Variants in NBAS observed in about 807,000 individuals in gnomAD.
NBAS encodes the protein NAG/BC035112 fusion.
NBAS carries 219 observed loss-of-function variants against 302.5 expected under a neutral mutation model. The observed-to-expected ratio is 0.72, with a 90% CI of 0.65 to 0.81. The LOEUF (loss-of-function observed/expected upper bound fraction) is 0.81. NBAS is among the 30% of genes least tolerant of loss of function. The pLI is 0.00. For synonymous variants in NBAS, 1,118 were observed against 1,021.6 expected, an observed-to-expected ratio of 1.09 and a Z score of -1.80; for missense variants, 2,932 against 2,841.6, an observed-to-expected ratio of 1.03 and a Z score of -0.72.
At chr2:15,101,663 C>T in the NBAS span, among the ~76,000 whole-genome samples, 1 of 152,142 alleles carries the variant, frequency 6.6e-6, no homozygotes, top group South Asian at 2.1e-4. Flanking sequence ...TAATGATTAA[C>T]CGATGGATGG....
the NBAS span, among the ~76,000 whole-genome samples, chr2:15,072,518 C>T: frequency 6.6e-6 from 1 of 152,116 alleles, no homozygotes; most frequent in Non-Finnish European, 1.5e-5. Context: ...CTAGTCAAAT[C>T]CATTTAATTC....
chr2:14,893,807 C>T, the NBAS span, among the ~76,000 whole-genome samples: 1 of 152,200 alleles, frequency 6.6e-6, no homozygotes, highest in South Asian at 2.1e-4. Context: ...ATCCAGTGCA[C>T]ACTGTATTCC....
chr2:14,863,625 A>G, the NBAS span, among the ~76,000 whole-genome samples: 3 of 152,228 alleles, frequency 2.0e-5, no homozygotes, highest in Admixed American at 6.5e-5. Flanking sequence ...CCTGCAGGCC[A>G]TCTGGATGTA....
chr2:15,539,829 T>C (rs989953247), intron 6 of NBAS, among the ~76,000 whole-genome samples: 5 of 151,672 alleles, frequency 3.3e-5, no homozygotes, highest in South Asian at 2.1e-4. Flanking sequence ...TAACATTGTA[T>C]TAGAAAGGGG....
chr2:15,206,904 T>C (rs558993555), intron 48 of NBAS, among the ~76,000 whole-genome samples: 1 of 152,280 alleles, frequency 6.6e-6, no homozygotes, highest in South Asian at 2.1e-4. Flanking sequence ...ATGGAGAACC[T>C]CTACTAGGGC....
the NBAS span, among the ~76,000 whole-genome samples, chr2:15,034,026 A>AGAAGAAGAAGAAGAAG: frequency 6.0e-5 from 3 of 50,084 alleles, no homozygotes; most frequent in Non-Finnish European, 1.1e-4. Flanking sequence ...AAGAAGAAGA[A>AGAAGAAGAAGAAGAAG]GAGGAGGAGG....
chr2:14,794,034 A>T, the NBAS span, among the ~76,000 whole-genome samples: 8 of 152,308 alleles, frequency 5.3e-5, no homozygotes, highest in South Asian at 2.1e-4. Flanking sequence ...TAGTAGTGTC[A>T]CTCTTAAAGA....
rs767698268 is a variant in NBAS, at chr2:15,417,688, G to A, written c.2602C>T (p.Arg868Ter). The change falls in exon 24 of 52, where the codon CGA becomes TGA. Residue 868 changes from arginine (R) to a stop codon, truncating the protein, a stop_gained. Transcript: ENST00000281513. LOFTEE classifies it high-confidence loss of function. The stretch of plus-strand genomic sequence containing the variant: ...GGAATATTCCGCTCCATCCCAAGTC[G>A]AATAAGTGACAATGCACAGTCCACC... ...RQVDCALSLI[R>*]LGMERNIPGL... is the part of the protein sequence containing the mutation. 2.5e-6 allele frequency: 4 copies of A among 1,613,674 alleles called. No homozygotes were observed. Among genetic ancestry groups the A allele is most frequent in the African/African-American group, 1.3e-5 (1 of 74,826 alleles).
intron 26 of NBAS, among the ~76,000 whole-genome samples, chr2:15,400,257 G>A (rs1676084524): frequency 1.3e-5 from 2 of 151,196 alleles, no homozygotes; most frequent in African/African-American, 4.9e-5. Context: ...AAACATGAAA[G>A]GAATAGAGAG....
intron 44 of NBAS, among the ~76,000 whole-genome samples, chr2:15,257,624 C>T (rs1272026139): frequency 6.6e-6 from 1 of 152,074 alleles, no homozygotes; most frequent in Admixed American, 6.5e-5. Flanking sequence ...AACTCCTGAC[C>T]TCAGGTGATC....
the NBAS span, among the ~76,000 whole-genome samples, chr2:15,071,476 T>C: frequency 1.3e-5 from 2 of 151,778 alleles, no homozygotes; most frequent in African/African-American, 2.4e-5. Flanking sequence ...CTTCAAAAAC[T>C]AGCCGGGCGT....
chr2:15,341,045 T>C (rs1390608193), intron 35 of NBAS, among the ~76,000 whole-genome samples: 4 of 152,106 alleles, frequency 2.6e-5, no homozygotes, highest in African/African-American at 4.8e-5. Context: ...GAGTGGTACA[T>C]TTTAGACCCT....
intron 28 of NBAS, among the ~76,000 whole-genome samples, chr2:15,386,477 C>G (rs1409660536): frequency 6.6e-6 from 1 of 152,240 alleles, no homozygotes; most frequent in East Asian, 1.9e-4. Context: ...AATTCTACTC[C>G]TTCAGGATTA....
At chr2:15,016,194 T>A in the NBAS span, among the ~76,000 whole-genome samples, 1 of 152,110 alleles carries the variant, frequency 6.6e-6, no homozygotes, top group African/African-American at 2.4e-5. Context: ...AAGTCACATC[T>A]TACATGGCAG....
At chr2:14,803,808 C>T in the NBAS span, among the ~76,000 whole-genome samples, 1 of 152,062 alleles carries the variant, frequency 6.6e-6, no homozygotes, top group South Asian at 2.1e-4. Flanking sequence ...TGCCACCATG[C>T]CCGGCTAATT....
intron 29 of NBAS, among the ~76,000 whole-genome samples, chr2:15,380,082 C>A (rs1674959274): frequency 3.3e-5 from 5 of 152,024 alleles, no homozygotes; most frequent in East Asian, 1.9e-4. Context: ...TTGACTAAAC[C>A]AAAATTAAGC....
At chr2:15,096,356 A>G in the NBAS span, among the ~76,000 whole-genome samples, 1 of 152,338 alleles carries the variant, frequency 6.6e-6, no homozygotes, top group Admixed American at 6.5e-5. Flanking sequence ...TCAGGGCCAC[A>G]ACTGACATCA....
chr2:15,015,429 G>A, the NBAS span, among the ~76,000 whole-genome samples: 4 of 152,160 alleles, frequency 2.6e-5, no homozygotes, highest in East Asian at 7.7e-4. Flanking sequence ...ACATTAAAAG[G>A]TCATTCATCA....
chr2:15,127,923 T>C, the NBAS span, among the ~76,000 whole-genome samples: 1 of 152,202 alleles, frequency 6.6e-6, no homozygotes, highest in South Asian at 2.1e-4. Flanking sequence ...GAGGTATTTC[T>C]TGGGGCCACT....
Sources: gnomAD v4.1 joint callset for allele counts (sites outside exome capture counted in the v4.1 genomes callset) on GRCh38, gnomAD v4.1.1 for gene constraint, MANE v1.5 for transcripts, NCBI Gene and HGNC (gene_info 2026-07-23, HGNC 2026-07-21) for gene names.